Variants in ERN1 observed in about 807,000 individuals in gnomAD.
ERN1 encodes serine/threonine-protein kinase/endoribonuclease IRE1.
Under a neutral mutation model 113.1 loss-of-function variants are expected in ERN1, and 39 were observed. The observed-to-expected ratio is 0.34, with a 90% CI of 0.27 to 0.45. The LOEUF is 0.45. ERN1 is among the 20% of genes least tolerant of loss of function. The pLI, the probability that ERN1 is intolerant of heterozygous loss-of-function variation, is 1.00. For synonymous variants in ERN1, 507 were observed against 515.9 expected (o/e 0.98, Z 0.23); for missense variants, 976 against 1,274.8 (o/e 0.77, Z 3.57).
At chr17:64,098,569 C>T (rs569620624) in intron 1 of ERN1, 1 of 563,984 alleles carries the variant, frequency 1.8e-6, no homozygotes, top group Non-Finnish European at 3.4e-6. Flanking sequence ...TGGGCCTATT[C>T]TATTCTCTAA....
At chr17:64,068,822 T>C (rs146727444) in intron 6 of ERN1, among the ~76,000 whole-genome samples, 3 of 152,246 alleles carry the variant, frequency 2.0e-5, no homozygotes, top group East Asian at 1.9e-4. Context: ...AGCATGACTA[T>C]TGCTTGCAGT....
intron 4 of ERN1, among the ~76,000 whole-genome samples, chr17:64,077,946 C>T (rs892764041): frequency 5.9e-5 from 9 of 152,036 alleles, no homozygotes; most frequent in Non-Finnish European, 1.2e-4. Context: ...GGGGTTTCAC[C>T]ATGGTCTCGA....
chr17:64,129,630 T>G (rs937870532), intron 1 of ERN1: 6 of 368,384 alleles, frequency 1.6e-5, no homozygotes, highest in African/African-American at 1.1e-4. Flanking sequence ...GGCGGCCTCC[T>G]CAGGCCGGGG....
intron 12 of ERN1, among the ~76,000 whole-genome samples, chr17:64,057,142 G>A (rs1321012181): frequency 1.3e-5 from 2 of 152,068 alleles, no homozygotes; most frequent in African/African-American, 4.8e-5. Flanking sequence ...CTTCTCCCCA[G>A]CAGAAGTTCT....
chr17:64,065,550 G>A (rs1190212506), intron 8 of ERN1, among the ~76,000 whole-genome samples: 1 of 152,092 alleles, frequency 6.6e-6, no homozygotes, highest in Non-Finnish European at 1.5e-5. Context: ...TGGACTAGAC[G>A]ATGCCCATGA....
At chr17:64,129,925 C>T in intron 1 of ERN1, 51 bp downstream of exon 1, 2 of 1,371,702 alleles carry the variant, frequency 1.5e-6, no homozygotes, top group Non-Finnish European at 1.9e-6. Context: ...GCCCCGGCCC[C>T]GACCCGGCCG....
chr17:64,065,341 C>T, intron 8 of ERN1, 54 bp from the exon 9 acceptor site: 1 of 1,348,036 alleles, frequency 7.4e-7, no homozygotes, highest in Non-Finnish European at 1.0e-6. Flanking sequence ...CCAGATCCCA[C>T]AGAAGGGAGT....
rs150455644 is a variant in ERN1, at chr17:64,049,331, T to C, written c.2254-129A>G. 63 of 981,010 alleles carry C rather than the reference T, an allele frequency of 6.4e-5. No individual in the cohort carries two copies. Among genetic ancestry groups the C allele is most frequent in the Non-Finnish European group, 8.9e-5 (61 of 688,702 alleles). 60.8% of individuals were successfully genotyped at this position (981,010 alleles called of 1,614,324 possible). The stretch of plus-strand genomic sequence containing the variant: ...TGTCCTGGGAGAATCAGCTGACATA[T>C]GTGAGCTGCACAGAGCAGCGAGGGC... On this transcript the variant is annotated intron_variant, in intron 17 of 21. Transcript: ENST00000433197. This position sits in a 1 kb window ranked among gnomAD's most constrained non-coding sequence, Gnocchi z 4.7.
chr17:64,108,116 A>C (rs1227852932), intron 1 of ERN1, among the ~76,000 whole-genome samples: 2 of 152,156 alleles, frequency 1.3e-5, no homozygotes, highest in Non-Finnish European at 2.9e-5. Context: ...GTTTGTGGCA[A>C]GTCTGCCGTA....
chr17:64,040,947 C>G lies in ERN1; in HGVS notation c.*3041G>C. 1 of 152,100 alleles carries G rather than the reference C, an allele frequency of 6.6e-6. No homozygotes were observed. The highest frequency in any genetic ancestry group is 1.9e-4 in the East Asian group (1 of 5,186). 9.4% of individuals were successfully genotyped at this position (152,100 alleles called of 1,614,324 possible). A position where few individuals can be genotyped will look rare whatever the true frequency, so the allele number is the denominator to read the frequency against. On this transcript the variant is annotated 3_prime_UTR_variant, in exon 22 of 22. Transcript: ENST00000433197. ...GATCACGAGGTTAGGAGATCGAGAC[C>G]ATCCTGCCTAACATGGGGAAACCCC...
At chr17:64,121,434 A>G (rs1023686359) in intron 1 of ERN1, among the ~76,000 whole-genome samples, 3 of 152,128 alleles carry the variant, frequency 2.0e-5, no homozygotes, top group South Asian at 2.1e-4. Context: ...ACCTGCTTGG[A>G]TATTATTAGA....
intron 1 of ERN1, among the ~76,000 whole-genome samples, chr17:64,119,738 C>T (rs918338772): frequency 6.6e-6 from 1 of 151,840 alleles, no homozygotes. Context: ...CACTAACTAG[C>T]GGACTCTATC....
chr17:64,113,808 G>A (rs1479508912), intron 1 of ERN1, among the ~76,000 whole-genome samples: 2 of 151,950 alleles, frequency 1.3e-5, no homozygotes, highest in Non-Finnish European at 1.5e-5. Flanking sequence ...TCAGCCTCCC[G>A]AGTAGCTGGG....
intron 2 of ERN1, among the ~76,000 whole-genome samples, chr17:64,086,835 T>C (rs932368237): frequency 5.3e-5 from 8 of 151,952 alleles, no homozygotes; most frequent in Middle Eastern, 3.4e-3. Context: ...GTAGTAGAGA[T>C]GGGGTTTCAC....
intron 2 of ERN1, among the ~76,000 whole-genome samples, chr17:64,096,618 G>T (rs1206059679): frequency 6.6e-6 from 1 of 152,178 alleles, no homozygotes; most frequent in East Asian, 1.9e-4. Flanking sequence ...TGCAAAAAAG[G>T]TTGGGCACTG....
Position 64,041,831 on chromosome 17 carries a change from G to A in ERN1, c.*2157C>T, listed in dbSNP as rs908808851. ...TATCCTGCCTAGCTCAATACACTAA[G>A]TGCTCAAATAAAATACATTGAATAA... On this transcript the variant is annotated 3_prime_UTR_variant, in exon 22 of 22. Coordinates refer to ENST00000433197, the MANE Select transcript of ERN1 (RefSeq NM_001433.5). 6.6e-6 allele frequency: 1 copy of A among 152,176 alleles called. No homozygotes were observed. Among genetic ancestry groups the A allele is most frequent in the African/African-American group, 2.4e-5 (1 of 41,432 alleles). The allele number at this position is 152,176 out of a possible 1,614,324, so 9.4% of individuals were successfully genotyped here.
chr17:64,105,067 T>C (rs1334064156), intron 1 of ERN1, among the ~76,000 whole-genome samples: 1 of 152,152 alleles, frequency 6.6e-6, no homozygotes, highest in Non-Finnish European at 1.5e-5. Context: ...CACACACTTC[T>C]CAGGTGGCAT....
intron 5 of ERN1, among the ~76,000 whole-genome samples, chr17:64,074,434 T>C (rs1402641287): frequency 6.6e-6 from 1 of 151,986 alleles, no homozygotes; most frequent in Non-Finnish European, 1.5e-5. Context: ...TGGGAGTTCC[T>C]CATTCTGAAG....
At chr17:64,052,728 G>T in intron 17 of ERN1, 52 bp downstream of exon 17, 2 of 1,542,132 alleles carry the variant, frequency 1.3e-6, no homozygotes, top group South Asian at 1.2e-5. Context: ...TACTCCTGAA[G>T]ATACAATGGG....
Sources: gnomAD v4.1 joint callset for allele counts (sites outside exome capture counted in the v4.1 genomes callset) on GRCh38, gnomAD v4.1.1 for gene constraint, Gnocchi (gnomAD v3.1) non-coding constraint, MANE v1.5 for transcripts, NCBI Gene and HGNC (gene_info 2026-07-23, HGNC 2026-07-21) for gene names.